LPP: variants seen among roughly 807,000 people sequenced by gnomAD.
LPP encodes lipoma-preferred partner.
In LPP, 38 loss-of-function variants were observed where a neutral mutation model predicts 60.4. That is an observed-to-expected ratio of 0.63 (90% CI 0.49 to 0.83). The LOEUF (loss-of-function observed/expected upper bound fraction) is 0.83. LPP is among the 40% of genes least tolerant of loss of function. LPP has a pLI of 0.00. For synonymous variants in LPP, 328 were observed against 290.8 expected, an observed-to-expected ratio of 1.13 and a Z score of -1.30; for missense variants, 902 against 783.6, an observed-to-expected ratio of 1.15 and a Z score of -1.80.
chr3:188,662,980 G>T (rs1429456788), intron 7 of LPP, among the ~76,000 whole-genome samples: 1 of 152,218 alleles, frequency 6.6e-6, no homozygotes, highest in African/African-American at 2.4e-5. Context: ...TGCAAGAATA[G>T]TATGTTATCT....
At chr3:188,775,800 A>C (rs559961149) in intron 9 of LPP, among the ~76,000 whole-genome samples, 1 of 152,368 alleles carries the variant, frequency 6.6e-6, no homozygotes, top group East Asian at 1.9e-4. Flanking sequence ...CCATTAATTA[A>C]GTTCAAAGTA....
At chr3:188,354,561 G>C (rs192268992) in intron 3 of LPP, among the ~76,000 whole-genome samples, 1 of 152,266 alleles carries the variant, frequency 6.6e-6, no homozygotes. Context: ...GGGAGGAATG[G>C]ATGTTTTTTT....
intron 4 of LPP, among the ~76,000 whole-genome samples, chr3:188,432,538 T>C (rs1281013554): frequency 2.0e-5 from 3 of 152,064 alleles, no homozygotes; most frequent in African/African-American, 7.2e-5. Flanking sequence ...CTATAGGTGA[T>C]CATGTGTGAA....
At chr3:188,580,464 A>G (rs1022786498) in intron 6 of LPP, among the ~76,000 whole-genome samples, 2 of 152,066 alleles carry the variant, frequency 1.3e-5, no homozygotes, top group Admixed American at 6.6e-5. Flanking sequence ...CCTTCTCCTT[A>G]TGAGATGGCT....
At chr3:188,871,520 G>A (rs1253390058) in intron 10 of LPP, among the ~76,000 whole-genome samples, 2 of 152,146 alleles carry the variant, frequency 1.3e-5, no homozygotes, top group Non-Finnish European at 2.9e-5. Context: ...TATAATGTAT[G>A]TAGAAATGCT....
intron 5 of LPP, among the ~76,000 whole-genome samples, chr3:188,501,918 A>AG (rs1031247487): frequency 6.6e-6 from 1 of 152,052 alleles, no homozygotes; most frequent in African/African-American, 2.4e-5. Context: ...CTCCATTAAA[A>AG]AAAAAAACAA....
chr3:188,833,991 C>G (rs1757719714), intron 9 of LPP, among the ~76,000 whole-genome samples: 1 of 152,026 alleles, frequency 6.6e-6, no homozygotes, highest in South Asian at 2.1e-4. Context: ...TTTATTTTGC[C>G]TGCTTCGGGA....
At chr3:188,471,261 C>T (rs1456638255) in intron 4 of LPP, among the ~76,000 whole-genome samples, 1 of 152,138 alleles carries the variant, frequency 6.6e-6, no homozygotes, top group East Asian at 1.9e-4. Flanking sequence ...TGTCCTCCAA[C>T]TTGGTCCTTT....
At chr3:188,412,317 G>A (rs772489193) in intron 4 of LPP, among the ~76,000 whole-genome samples, 5 of 152,060 alleles carry the variant, frequency 3.3e-5, no homozygotes, top group Non-Finnish European at 5.9e-5. Context: ...TATTGGGAAC[G>A]GTTTGTGGCC....
At chr3:188,579,807 T>G (rs1200109070) in intron 6 of LPP, among the ~76,000 whole-genome samples, 3 of 150,680 alleles carry the variant, frequency 2.0e-5, no homozygotes, top group Non-Finnish European at 4.4e-5. Context: ...AAAAAGTTTT[T>G]TAAATAGCCA....
At chr3:188,249,003 A>G (rs187417383) in intron 2 of LPP, among the ~76,000 whole-genome samples, 3 of 152,298 alleles carry the variant, frequency 2.0e-5, no homozygotes, top group East Asian at 1.9e-4. Context: ...AGCTCTAGTT[A>G]TACATCCACT....
At chr3:188,515,675 A>G (rs1334757433) in intron 5 of LPP, among the ~76,000 whole-genome samples, 2 of 152,172 alleles carry the variant, frequency 1.3e-5, no homozygotes, top group South Asian at 2.1e-4. Flanking sequence ...TTTTGCGACA[A>G]CTTTTCCCAC....
chr3:188,363,629 G>A (rs1037303274), intron 3 of LPP, among the ~76,000 whole-genome samples: 2 of 152,090 alleles, frequency 1.3e-5, no homozygotes, highest in African/African-American at 4.8e-5. Flanking sequence ...GTCCTGGGCT[G>A]AGCGCAGTGG....
intron 6 of LPP, among the ~76,000 whole-genome samples, chr3:188,580,296 T>A (rs1466131171): frequency 6.6e-6 from 1 of 152,134 alleles, no homozygotes; most frequent in Non-Finnish European, 1.5e-5. Context: ...TATAGGCAGA[T>A]AAAATTTATA....
chr3:188,660,469 T>G (rs932571606), intron 7 of LPP, among the ~76,000 whole-genome samples: 1 of 152,318 alleles, frequency 6.6e-6, no homozygotes, highest in East Asian at 1.9e-4. Flanking sequence ...TTGTTCCCAT[T>G]GTATGCATGT....
chr3:188,732,991 C>T (rs1470466969), intron 8 of LPP, among the ~76,000 whole-genome samples: 1 of 151,872 alleles, frequency 6.6e-6, no homozygotes, highest in Non-Finnish European at 1.5e-5. Context: ...TGGGCCAGTA[C>T]CACTTTGGCA....
At chr3:188,577,057 G>C (rs1341138708) in intron 6 of LPP, among the ~76,000 whole-genome samples, 2 of 152,156 alleles carry the variant, frequency 1.3e-5, no homozygotes, top group Non-Finnish European at 2.9e-5. Context: ...AAAGGAGTAA[G>C]AAGCATTTTG....
chr3:188,650,173 C>G (rs1332208427), intron 7 of LPP, among the ~76,000 whole-genome samples: 1 of 152,176 alleles, frequency 6.6e-6, no homozygotes, highest in Non-Finnish European at 1.5e-5. Flanking sequence ...ACAGAATTCA[C>G]TTAGGCACTA....
chr3:188,512,045 A>C (rs951341835), intron 5 of LPP, among the ~76,000 whole-genome samples: 1 of 152,216 alleles, frequency 6.6e-6, no homozygotes, highest in African/African-American at 2.4e-5. Context: ...TTCACTATAC[A>C]AACTACCTTA....
Sources: allele counts gnomAD v4.1 joint callset (sites outside exome capture counted in the v4.1 genomes callset), GRCh38; gene constraint gnomAD v4.1.1; transcripts MANE v1.5; gene names NCBI Gene and HGNC (gene_info 2026-07-23, HGNC 2026-07-21).